MAPKAP1: variants seen among roughly 807,000 people sequenced by gnomAD.
The protein encoded by MAPKAP1 is target of rapamycin complex 2 subunit MAPKAP1.
Under a neutral mutation model 65.7 loss-of-function variants are expected in MAPKAP1, and 20 were observed. The observed-to-expected ratio is 0.30, with a 90% confidence interval of 0.21 to 0.44. The LOEUF (loss-of-function observed/expected upper bound fraction) is 0.44. Ranked by LOEUF, MAPKAP1 falls within the 20% of genes least tolerant of loss-of-function variation. MAPKAP1 has a pLI of 1.00. For synonymous variants in MAPKAP1, 222 were observed against 244.3 expected (o/e 0.91, Z 0.85); for missense variants, 423 against 648.0 (o/e 0.65, Z 3.77).
intron 7 of MAPKAP1, chr9:125,521,742 AT>A (rs1410633995): frequency 6.2e-7 from 1 of 1,613,014 alleles, no homozygotes; most frequent in South Asian, 1.1e-5. Context: ...AGCCAGTGAA[AT>A]TAGTGAATTT....
At chr9:125,652,131 C>T (rs1334252022) in intron 4 of MAPKAP1, 1 of 1,303,364 alleles carries the variant, frequency 7.7e-7, no homozygotes. Context: ...TCTGAGTTTG[C>T]AACATTTCTC....
intron 3 of MAPKAP1, among the ~76,000 whole-genome samples, chr9:125,662,637 C>T (rs1250925560): frequency 2.0e-5 from 3 of 152,034 alleles, no homozygotes; most frequent in East Asian, 1.9e-4. Context: ...GAGCCAAGAT[C>T]GTGCCACTGC....
At position 125,683,832 on chromosome 9, in the gene MAPKAP1, C is replaced by A. The variant is rs1834894817; in HGVS notation, c.-69-11189G>T. Among the ~76,000 whole-genome samples, 3 of 152,062 alleles carry A rather than the reference C, an allele frequency of 2.0e-5. No individual in the cohort carries two copies. In the South Asian group the frequency reaches 6.2e-4, roughly 32 times the overall value. On this transcript the variant is annotated intron_variant, in intron 1 of 11. Coordinates refer to ENST00000265960, the MANE Select transcript of MAPKAP1 (RefSeq NM_001006617.3). ...TAGTGAAGGAAAATAAGCCTATAAC[C>A]CTTCACATATAACACATAAGGCTCT...
chr9:125,697,711 C>G (rs544075880), intron 1 of MAPKAP1, among the ~76,000 whole-genome samples: 1 of 152,136 alleles, frequency 6.6e-6, no homozygotes, highest in East Asian at 1.9e-4. Flanking sequence ...AATGGAATTA[C>G]AAGCTCAAAA....
chr9:125,680,838 A>G (rs1834800402), intron 1 of MAPKAP1, among the ~76,000 whole-genome samples: 1 of 152,194 alleles, frequency 6.6e-6, no homozygotes, highest in South Asian at 2.1e-4. Context: ...ACCAAATGAG[A>G]TATTAAGACA....
At chr9:125,459,865 G>GAGGGAGAGGGAC (rs1853412573) in intron 10 of MAPKAP1, among the ~76,000 whole-genome samples, 1 of 151,720 alleles carries the variant, frequency 6.6e-6, no homozygotes, top group Non-Finnish European at 1.5e-5. Context: ...GGGAGAGGGA[G>GAGGGAGAGGGAC]AGGGAGAGGG....
chr9:125,599,485 C>CT (rs1288976136), intron 4 of MAPKAP1, among the ~76,000 whole-genome samples: 1 of 152,248 alleles, frequency 6.6e-6, no homozygotes, highest in Admixed American at 6.5e-5. Context: ...AAACAAAAAA[C>CT]TTGGTTACTA....
Position 125,657,692 on chromosome 9 carries a change from G to C in MAPKAP1, c.457C>G (p.Leu153Val). The C allele has an allele frequency of 1.2e-6, 2 of 1,613,322 alleles. No individual in the cohort carries two copies. Among genetic ancestry groups the C allele is most frequent in the Non-Finnish European group, 1.7e-6 (2 of 1,179,672 alleles). The change falls in exon 4 of 12, where the codon CTG becomes GTG. Residue 153 changes from leucine (L) to valine (V), a missense_variant. Around this residue, in one of 6 missense-constraint regions of MAPKAP1, gnomAD observed 67 missense variants for 69.6 expected, o/e 0.96. Transcript: ENST00000265960. ...GAATACTCGTTAAAAGGGTTATTCAGCTGCAGAGGGCACTGTTCTAGGCGT... is the reference window on the plus strand; with the variant it reads ...GAATACTCGTTAAAAGGGTTATTCACCTGCAGAGGGCACTGTTCTAGGCGT... ...SVRLEQCPLQLNNPFNEYSKF... is the reference protein window; with the variant it reads ...SVRLEQCPLQVNNPFNEYSKF...
chr9:125,696,708 A>T, intron 1 of MAPKAP1, among the ~76,000 whole-genome samples: 1 of 152,190 alleles, frequency 6.6e-6, no homozygotes, highest in Non-Finnish European at 1.5e-5. Context: ...CTGTATAACT[A>T]ATCAATCAAA....
At position 125,451,870 on chromosome 9, in the gene MAPKAP1, C is replaced by T. The variant is rs1006057888; in HGVS notation, c.1346-7272G>A. 3.7e-4 allele frequency among the ~76,000 whole-genome samples: 52 copies of T among 140,798 alleles called. 1 individual carries two copies. The highest frequency in any genetic ancestry group is 1.5e-4 in the Admixed American group (2 of 13,070). 92.4% of individuals were successfully genotyped at this position (140,798 alleles called of 152,430 possible). ...TATCCCCCAGGGTGGAGCGCAGTGG[C>T]GCGATCTCAGCTCACTGCAACCTCC... is the stretch of plus-strand genomic sequence containing the variant. On this transcript the variant is annotated intron_variant, in intron 10 of 11. Coordinates refer to ENST00000265960, the MANE Select transcript of MAPKAP1 (RefSeq NM_001006617.3).
intron 1 of MAPKAP1, among the ~76,000 whole-genome samples, chr9:125,684,704 T>C (rs1472072681): frequency 6.6e-6 from 1 of 152,168 alleles, no homozygotes; most frequent in Non-Finnish European, 1.5e-5. Context: ...AGAAGCCTTT[T>C]CACCCTTCTT....
chr9:125,652,269 GC>G, intron 4 of MAPKAP1: 1 of 1,221,374 alleles, frequency 8.2e-7, no homozygotes, highest in South Asian at 1.5e-5. Context: ...TGAAACAAGA[GC>G]AGCATGCAAA....
At chr9:125,663,639 GA>G (rs1239395402) in intron 3 of MAPKAP1, among the ~76,000 whole-genome samples, 1 of 152,106 alleles carries the variant, frequency 6.6e-6, no homozygotes, top group African/African-American at 2.4e-5. Context: ...TTTGTTGAAT[GA>G]ATAAGTCTGG....
At chr9:125,523,511 G>C (rs1219575955) in intron 7 of MAPKAP1, among the ~76,000 whole-genome samples, 1 of 152,196 alleles carries the variant, frequency 6.6e-6, no homozygotes, top group Non-Finnish European at 1.5e-5. Context: ...CCTTGTAAAT[G>C]TGTGATAAGT....
intron 4 of MAPKAP1, among the ~76,000 whole-genome samples, chr9:125,591,963 T>C (rs1411961752): frequency 6.6e-6 from 1 of 152,196 alleles, no homozygotes; most frequent in Non-Finnish European, 1.5e-5. Flanking sequence ...CATACAGGAC[T>C]GGGGAAATGG....
chr9:125,478,627 G>C (rs1854193792), intron 9 of MAPKAP1, among the ~76,000 whole-genome samples: 1 of 152,196 alleles, frequency 6.6e-6, no homozygotes, highest in South Asian at 2.1e-4. Flanking sequence ...ATCCTGCCCA[G>C]TCTGGGGGTG....
intron 9 of MAPKAP1, among the ~76,000 whole-genome samples, chr9:125,468,852 G>A (rs1297748734): frequency 6.6e-5 from 10 of 152,174 alleles, no homozygotes; most frequent in Non-Finnish European, 1.5e-4. Flanking sequence ...TTTATTTTCA[G>A]AGCTTAAAAG....
intron 6 of MAPKAP1, among the ~76,000 whole-genome samples, chr9:125,555,556 G>C (rs1437886865): frequency 6.6e-6 from 1 of 152,188 alleles, no homozygotes; most frequent in Non-Finnish European, 1.5e-5. Flanking sequence ...AGGCAGGAAC[G>C]GGTGTAAAAA....
intron 7 of MAPKAP1, among the ~76,000 whole-genome samples, chr9:125,512,302 T>C (rs1829324523): frequency 6.6e-6 from 1 of 152,234 alleles, no homozygotes; most frequent in African/African-American, 2.4e-5. Context: ...TGGGAGAAAC[T>C]TCTTTCAGAT....
Sources: allele counts gnomAD v4.1 joint callset (sites outside exome capture counted in the v4.1 genomes callset), GRCh38; gene constraint gnomAD v4.1.1; regional missense constraint gnomAD v4.1.1; transcripts MANE v1.5; gene names NCBI Gene and HGNC (gene_info 2026-07-23, HGNC 2026-07-21).